Variants in AKAP13 observed in about 807,000 individuals in gnomAD.
AKAP13 encodes A-kinase anchor protein 13.
Under a neutral mutation model 264.5 loss-of-function variants are expected in AKAP13, and 80 were observed. The ratio of observed to expected loss-of-function variants is 0.30; its 90% CI spans 0.25 to 0.36. AKAP13 has a LOEUF of 0.36. AKAP13 is among the 10% of genes least tolerant of loss of function. AKAP13 has a pLI of 1.00. For missense variants in AKAP13, 3,712 were observed against 3,435.2 expected (o/e 1.08, Z -2.01); for synonymous variants, 1,380 against 1,250.2 (o/e 1.10, Z -2.19).
Position 85,722,338 on chromosome 15 carries a change from T to A in AKAP13, c.6487T>A (p.Cys2163Ser). 1 of 1,610,258 alleles carries A rather than the reference T, an allele frequency of 6.2e-7. No homozygotes were observed. The highest frequency in any genetic ancestry group is 8.5e-7 in the Non-Finnish European group (1 of 1,178,150). Residue 2163 changes from cysteine (C) to serine (S), a missense_variant, in exon 25 of 37, where the codon TGT becomes AGT. By Grantham distance (112) the Cys-to-Ser change is moderately radical. This residue lies in a region of AKAP13 where 342 missense variants were observed against 484.3 expected (regional missense o/e 0.71). Transcript: ENST00000394518. ...AGTTTTATTCCAAAGAATATTGCAG[T>A]GTACCAAAGGTAAGTCTCCTTTCTA... is the stretch of plus-strand genomic sequence containing the variant. ...YPVLFQRILQCTKDNEVEQED... is the reference protein window; with the variant it reads ...YPVLFQRILQSTKDNEVEQED...
chr15:85,648,772 A>T (rs1311613675), intron 10 of AKAP13, among the ~76,000 whole-genome samples: 1 of 152,098 alleles, frequency 6.6e-6, no homozygotes, highest in Non-Finnish European at 1.5e-5. Flanking sequence ...GTAGGAGGTT[A>T]ACGCTGCAGT....
intron 1 of AKAP13, among the ~76,000 whole-genome samples, chr15:85,381,175 G>C (rs2070223176): frequency 6.6e-6 from 1 of 152,064 alleles, no homozygotes; most frequent in Non-Finnish European, 1.5e-5. Flanking sequence ...TCCCCGGGTC[G>C]GCGCCGCCGG....
Position 85,606,090 on chromosome 15 carries a change from C to CTTTTTTTTTTTTTTTTTTT in AKAP13, c.4161+20275_4161+20293dup, listed in dbSNP as rs369008646. On this transcript the variant is annotated intron_variant, in intron 8 of 36. Coordinates refer to ENST00000394518, the MANE Select transcript of AKAP13 (RefSeq NM_007200.5). ...AGATTTTCTGCACTGGTTTGATCTA[C>CTTTTTTTTTTTTTTTTTTT]TTTTTTTTTTTTTTTTTTTTTTTTT... Among the ~76,000 whole-genome samples, 101 of 88,342 alleles carry CTTTTTTTTTTTTTTTTTTT rather than the reference C, an allele frequency of 1.1e-3. 17 individuals carry two copies. Among genetic ancestry groups the CTTTTTTTTTTTTTTTTTTT allele is most frequent in the East Asian group, 1.6e-3 (3 of 1,888 alleles). 58.0% of individuals were successfully genotyped at this position (88,342 alleles called of 152,430 possible).
intron 5 of AKAP13, among the ~76,000 whole-genome samples, chr15:85,560,869 G>A (rs1268687108): frequency 2.6e-5 from 4 of 151,952 alleles, no homozygotes; most frequent in South Asian, 2.1e-4. Context: ...TTGCAATGTG[G>A]CCAGTATTAA....
intron 1 of AKAP13, among the ~76,000 whole-genome samples, chr15:85,397,817 C>G (rs1023290871): frequency 6.6e-6 from 1 of 152,190 alleles, no homozygotes; most frequent in African/African-American, 2.4e-5. Flanking sequence ...AGTCACTGCC[C>G]TTAAAGCACT....
intron 3 of AKAP13, among the ~76,000 whole-genome samples, chr15:85,530,755 A>G (rs1457301277): frequency 6.6e-6 from 1 of 152,224 alleles, no homozygotes; most frequent in Admixed American, 6.5e-5. Flanking sequence ...CCTGACTGAC[A>G]TACGTATCAC....
intron 1 of AKAP13, among the ~76,000 whole-genome samples, chr15:85,385,360 T>C (rs1030856734): frequency 6.6e-6 from 1 of 152,204 alleles, no homozygotes; most frequent in African/African-American, 2.4e-5. Context: ...GTCTCTTTAG[T>C]CTCTATTTTT....
In AKAP13 at chr15:85,655,527, G is replaced by C. The variant is rs763485079; in HGVS notation, c.4485G>C (p.Gln1495His). The change falls in exon 11 of 37, where the codon CAG becomes CAC. Residue 1495 changes from glutamine to histidine, a missense_variant. By Grantham distance (24) the Gln-to-His change is conservative (BLOSUM62 0). This residue lies in a region of AKAP13 where 2,759 missense variants were observed against 2,411.7 expected (regional missense o/e 1.14). Coordinates refer to ENST00000394518, the MANE Select transcript of AKAP13 (RefSeq NM_007200.5). ...SSHGSDVSLS[Q>H]ILKPNRSRDR... The stretch of plus-strand genomic sequence containing the variant: ...ATGGCAGTGATGTGTCTCTCTCCCA[G>C]ATTTTAAAGCCAAACAGGTCAAGAG... 16 of 1,614,088 alleles carry C rather than the reference G, an allele frequency of 9.9e-6. No homozygotes were observed. In the East Asian group the frequency reaches 3.3e-4, roughly 34 times the overall value.
At chr15:85,442,189 A>G (rs923522314) in intron 1 of AKAP13, among the ~76,000 whole-genome samples, 2 of 151,546 alleles carry the variant, frequency 1.3e-5, no homozygotes, top group Non-Finnish European at 2.9e-5. Context: ...AGGTGGGCGG[A>G]TCACGAGGTC....
At chr15:85,450,287 GTTTA>G (rs560109406) in intron 1 of AKAP13, among the ~76,000 whole-genome samples, 95 of 151,996 alleles carry the variant, frequency 6.3e-4, no homozygotes, top group African/African-American at 2.1e-3. Flanking sequence ...TTCTAATTGT[GTTTA>G]TTTGGATCTT....
chr15:85,577,832 G>A, intron 6 of AKAP13: 1 of 985,284 alleles, frequency 1.0e-6, no homozygotes, highest in Non-Finnish European at 1.2e-6. Flanking sequence ...AAGTTAGATT[G>A]GTTGGAACAT....
intron 9 of AKAP13, among the ~76,000 whole-genome samples, chr15:85,640,673 C>T (rs2082267664): frequency 6.6e-6 from 1 of 152,184 alleles, no homozygotes; most frequent in Non-Finnish European, 1.5e-5. Context: ...GAACCTTCTA[C>T]TTAAACGTGT....
At chr15:85,538,736 G>A (rs368601592) in intron 4 of AKAP13, among the ~76,000 whole-genome samples, 10 of 151,348 alleles carry the variant, frequency 6.6e-5, no homozygotes, top group East Asian at 5.8e-4. Context: ...TGATCCTCCC[G>A]CCTCGGCCTC....
chr15:85,424,930 G>C (rs1295045096), intron 1 of AKAP13, among the ~76,000 whole-genome samples: 1 of 152,208 alleles, frequency 6.6e-6, no homozygotes, highest in East Asian at 1.9e-4. Context: ...GGAGCAGTTA[G>C]AACATACACA....
intron 1 of AKAP13, among the ~76,000 whole-genome samples, chr15:85,446,373 AAGG>A (rs1238989214): frequency 1.3e-5 from 2 of 152,186 alleles, no homozygotes; most frequent in African/African-American, 2.4e-5. Flanking sequence ...GTAGGCAGTG[AAGG>A]AGAAGGAAAT....
chr15:85,686,153 G>GTA (rs773573266), intron 16 of AKAP13, among the ~76,000 whole-genome samples: 92 of 139,224 alleles, frequency 6.6e-4, no homozygotes, highest in Non-Finnish European at 1.1e-3. Flanking sequence ...CACTGTGTGT[G>GTA]TGTGTGTGTG....
intron 35 of AKAP13, among the ~76,000 whole-genome samples, chr15:85,742,016 G>A (rs2089044714): frequency 6.6e-6 from 1 of 152,188 alleles, no homozygotes. Flanking sequence ...CTGCACTCCA[G>A]CCTGAGCAAC....
intron 4 of AKAP13, chr15:85,535,158 C>T (rs1284419667): frequency 6.6e-6 from 1 of 152,240 alleles, no homozygotes; most frequent in Non-Finnish European, 1.5e-5. Flanking sequence ...GTGAGCAGTT[C>T]CTGAGGAGAA....
intron 9 of AKAP13, among the ~76,000 whole-genome samples, chr15:85,640,089 T>C (rs889440943): frequency 2.6e-5 from 4 of 152,200 alleles, no homozygotes; most frequent in Non-Finnish European, 5.9e-5. Flanking sequence ...TTCCCAACTT[T>C]TAAACCAGGT....
Sources: gnomAD v4.1 joint callset for allele counts (sites outside exome capture counted in the v4.1 genomes callset) on GRCh38, gnomAD v4.1.1 for gene constraint, gnomAD v4.1.1 regional missense constraint, MANE v1.5 for transcripts, NCBI Gene and HGNC (gene_info 2026-07-23, HGNC 2026-07-21) for gene names.